The following CFAP92 variants were observed in gnomAD, a reference collection of about 807,000 sequenced individuals.
CFAP92 encodes the protein cilia and flagella associated protein 92 (putative).
Under a neutral mutation model 106.3 loss-of-function variants are expected in CFAP92, and 86 were observed. The observed-to-expected ratio is 0.81, with a 90% CI of 0.68 to 0.97. CFAP92 has a LOEUF of 0.97. CFAP92 is among the 50% of genes least tolerant of loss of function. The probability of loss-of-function intolerance (pLI) is 0.00; values close to 1 mark genes in which losing one functional copy is unlikely to be tolerated. For missense variants in CFAP92, 1,204 were observed against 1,283.8 expected, an observed-to-expected ratio of 0.94 and a Z score of 0.95; for synonymous variants, 477 against 506.4, an observed-to-expected ratio of 0.94 and a Z score of 0.78.
Position 128,987,746 on chromosome 3 carries a change from T to C in CFAP92, c.537A>G (p.Leu179=), listed in dbSNP as rs764918676. 1.9e-6 allele frequency: 3 copies of C among 1,614,034 alleles called. No individual in the cohort carries two copies. Among genetic ancestry groups the C allele is most frequent in the Non-Finnish European group, 2.5e-6 (3 of 1,179,848 alleles). The change falls in exon 4 of 16, where the codon TTA becomes TTG. Residue 179 remains leucine, a synonymous_variant. Transcript: ENST00000645291. The part of the protein sequence containing the change: ...TFNITVTKEL[L]KKINFHKITL... ...TGATTTTGTGGAAATTTATTTTCTT[T>C]AATAATTCCTTTGTCACAGTGATAT...
At chr3:129,001,048 C>G (rs113773045) in intron 1 of CFAP92, among the ~76,000 whole-genome samples, 70 of 152,346 alleles carry the variant, frequency 4.6e-4, no homozygotes, top group African/African-American at 1.7e-3. Context: ...TCCGCACCTA[C>G]GGCTACAGGG....
Position 128,951,190 on chromosome 3 carries a change from G to A in CFAP92, c.1354-5215C>T, listed in dbSNP as rs538423797. On this transcript the variant is annotated intron_variant, in intron 9 of 15. Transcript: ENST00000645291. ...GCAGAGGTTGCAGTGAGCTGAGATC[G>A]TGCCACTGCACTCCAGCCTGGGTGA... 5.4e-3 allele frequency among the ~76,000 whole-genome samples: 819 copies of A among 151,568 alleles called. 4 individuals are homozygous for A. The highest frequency in any genetic ancestry group is 8.5e-3 in the Non-Finnish European group (579 of 67,904).
chr3:128,948,541 T>C (rs1223640909), intron 9 of CFAP92, among the ~76,000 whole-genome samples: 1 of 134,112 alleles, frequency 7.5e-6, no homozygotes, highest in Non-Finnish European at 1.6e-5. Flanking sequence ...TTTTTTTTTT[T>C]TTCCCTGAGA....
At chr3:129,003,680 A>G, upstream of CFAP92, 1 of 1,054,448 alleles carries the variant, frequency 9.5e-7, no homozygotes, top group Non-Finnish European at 1.2e-6. Context: ...GGCGCAAGAA[A>G]CGTGCTCAAG....
At chr3:128,955,614 G>A in intron 9 of CFAP92, among the ~76,000 whole-genome samples, 1 of 48,956 alleles carries the variant, frequency 2.0e-5, no homozygotes, top group Non-Finnish European at 3.0e-5. Context: ...CCTCTGCCCG[G>A]CCGCCCCTAC....
At chr3:128,930,374 A>G (rs1481799896) in intron 12 of CFAP92, among the ~76,000 whole-genome samples, 1 of 151,828 alleles carries the variant, frequency 6.6e-6, no homozygotes, top group Non-Finnish European at 1.5e-5. Context: ...GATGGTCTCG[A>G]TCTCCTGATT....
intron 2 of CFAP92, among the ~76,000 whole-genome samples, chr3:128,989,759 C>G (rs991557101): frequency 6.6e-6 from 1 of 152,200 alleles, no homozygotes; most frequent in African/African-American, 2.4e-5. Context: ...CCCCAGGAGA[C>G]TGCTGCAGCA....
At chr3:128,920,116 A>G (rs60684891) in intron 12 of CFAP92, among the ~76,000 whole-genome samples, 22,001 of 152,214 alleles carry the variant, frequency 0.14, 1,659 homozygotes, top group Middle Eastern at 0.16. Flanking sequence ...AAGAACATTA[A>G]AACTAGTCTG....
At chr3:128,913,909 AC>A (rs1369367287) in intron 15 of CFAP92, among the ~76,000 whole-genome samples, 1 of 151,772 alleles carries the variant, frequency 6.6e-6, no homozygotes, top group African/African-American at 2.4e-5. Context: ...GGGCTGTCAG[AC>A]CCACCCCCCT....
chr3:128,935,138 G>T lies in CFAP92; in HGVS notation c.2440C>A (p.Gln814Lys). 6.5e-7 allele frequency: 1 copy of T among 1,529,198 alleles called. No homozygotes were observed. Among genetic ancestry groups the T allele is most frequent in the Non-Finnish European group, 8.8e-7 (1 of 1,142,560 alleles). 94.7% of individuals were successfully genotyped at this position (1,529,198 alleles called of 1,614,324 possible). Residue 814 changes from glutamine (Q) to lysine (K), a missense_variant, in exon 11 of 16, where the codon CAG becomes AAG. Physicochemically the swap from Gln to Lys is moderately conservative, Grantham distance 53. Transcript: ENST00000645291. ...GCCACTGCCCACCTGGCTAGAGCCT[G>T]GAAGACCCGCCTCCGCTCAGTGTCT... ...LRDTERRRVF[Q>K]ALARIHDICY...
intron 12 of CFAP92, among the ~76,000 whole-genome samples, chr3:128,930,204 G>A (rs1034109950): frequency 1.3e-5 from 2 of 152,078 alleles, no homozygotes; most frequent in East Asian, 1.9e-4. Flanking sequence ...AGGCTGGAGT[G>A]CAGTGGCGTG....
chr3:128,946,372 TG>T (rs1940219703), intron 9 of CFAP92, among the ~76,000 whole-genome samples: 1 of 152,148 alleles, frequency 6.6e-6, no homozygotes, highest in African/African-American at 2.4e-5. Context: ...AATATATATC[TG>T]GGGGTCGACA....
At chr3:128,956,180 A>T in intron 9 of CFAP92, among the ~76,000 whole-genome samples, 1 of 104,742 alleles carries the variant, frequency 9.5e-6, no homozygotes, top group South Asian at 3.2e-4. Flanking sequence ...ATAAAAAAAT[A>T]AATTAAAAAA....
upstream of CFAP92, among the ~76,000 whole-genome samples, chr3:128,998,664 A>C (rs1944571214): frequency 6.6e-6 from 1 of 152,226 alleles, no homozygotes; most frequent in South Asian, 2.1e-4. Context: ...AAACCACCTC[A>C]GTGGGCATCT....
At chr3:128,948,113 G>C (rs1156283031) in intron 9 of CFAP92, among the ~76,000 whole-genome samples, 1 of 152,126 alleles carries the variant, frequency 6.6e-6, no homozygotes, top group Non-Finnish European at 1.5e-5. Context: ...ACAAACTACA[G>C]ACTGGGAGAA....
chr3:128,929,131 T>C (rs1343197390), intron 12 of CFAP92, among the ~76,000 whole-genome samples: 1 of 152,144 alleles, frequency 6.6e-6, no homozygotes, highest in African/African-American at 2.4e-5. Context: ...GATACAAATA[T>C]ATATTACATC....
At chr3:128,965,989 A>G (rs1253182129) in intron 8 of CFAP92, among the ~76,000 whole-genome samples, 1 of 152,156 alleles carries the variant, frequency 6.6e-6, no homozygotes, top group African/African-American at 2.4e-5. Flanking sequence ...CTAGGACACA[A>G]TAGGAACACC....
upstream of CFAP92, among the ~76,000 whole-genome samples, chr3:128,995,421 C>G (rs547865758): frequency 5.3e-5 from 8 of 152,332 alleles, no homozygotes; most frequent in African/African-American, 1.7e-4. Flanking sequence ...CTTGCCCACA[C>G]CCCACCTGCA....
At chr3:129,001,199 G>A (rs975784523) in intron 1 of CFAP92, among the ~76,000 whole-genome samples, 11 of 152,224 alleles carry the variant, frequency 7.2e-5, no homozygotes, top group Non-Finnish European at 4.4e-5. Context: ...CGGATCCCGC[G>A]CCAACCCCTC....
Sources: gnomAD v4.1 joint callset for allele counts (sites outside exome capture counted in the v4.1 genomes callset) on GRCh38, gnomAD v4.1.1 for gene constraint, MANE v1.5 for transcripts, NCBI Gene and HGNC (gene_info 2026-07-23, HGNC 2026-07-21) for gene names.